SGCD: variants seen among roughly 807,000 people sequenced by gnomAD.
The protein encoded by SGCD is delta-sarcoglycan.
SGCD carries 18 observed loss-of-function variants against 36.6 expected under a neutral mutation model. The ratio of observed to expected loss-of-function variants is 0.49; its 90% CI spans 0.34 to 0.73. The LOEUF is 0.73. SGCD is among the 30% of genes least tolerant of loss of function. SGCD has a pLI of 0.01. For missense variants in SGCD, 387 were observed against 346.7 expected (o/e 1.12, Z -0.92); for synonymous variants, 133 against 130.6 (o/e 1.02, Z -0.12).
the SGCD span, among the ~76,000 whole-genome samples, chr5:155,778,884 C>T: frequency 6.6e-6 from 1 of 152,230 alleles, no homozygotes; most frequent in South Asian, 2.1e-4. Flanking sequence ...GCAATAGTCA[C>T]TCAAAAATGA....
At chr5:156,505,313 T>C (rs1250946555) in intron 3 of SGCD, among the ~76,000 whole-genome samples, 1 of 152,178 alleles carries the variant, frequency 6.6e-6, no homozygotes, top group Non-Finnish European at 1.5e-5. Flanking sequence ...AATAGAAATA[T>C]ACAGATGGCA....
At chr5:156,310,899 G>A (rs1767374813) in intron 3 of SGCD, among the ~76,000 whole-genome samples, 1 of 152,152 alleles carries the variant, frequency 6.6e-6, no homozygotes. Flanking sequence ...GGAGTACAGG[G>A]TTTGGAAAGC....
intron 3 of SGCD, among the ~76,000 whole-genome samples, chr5:156,473,042 A>G (rs1755038218): frequency 6.6e-6 from 1 of 152,232 alleles, no homozygotes; most frequent in African/African-American, 2.4e-5. Flanking sequence ...GTTATCTAAC[A>G]TAATGTACTT....
At chr5:156,168,228 A>G (rs958441642) in intron 3 of SGCD, among the ~76,000 whole-genome samples, 5 of 152,250 alleles carry the variant, frequency 3.3e-5, no homozygotes, top group Admixed American at 6.5e-5. Flanking sequence ...AATATTATTC[A>G]ATTCACAATA....
chr5:156,364,693 A>G (rs1769995402), intron 3 of SGCD, among the ~76,000 whole-genome samples: 1 of 152,154 alleles, frequency 6.6e-6, no homozygotes, highest in South Asian at 2.1e-4. Context: ...CTCATTTCAG[A>G]GGATAAGAAA....
chr5:156,230,125 C>T (rs748812936), intron 3 of SGCD, among the ~76,000 whole-genome samples: 2 of 152,152 alleles, frequency 1.3e-5, no homozygotes, highest in Non-Finnish European at 2.9e-5. Context: ...CTTCCCCTTT[C>T]TCTGGTGCTT....
chr5:156,434,376 G>A (rs1365541812), intron 3 of SGCD, among the ~76,000 whole-genome samples: 1 of 152,154 alleles, frequency 6.6e-6, no homozygotes, highest in African/African-American at 2.4e-5. Flanking sequence ...ACACACAGAG[G>A]GGAAATGTAA....
chr5:156,222,162 G>T (rs562937950), intron 3 of SGCD, among the ~76,000 whole-genome samples: 1 of 152,112 alleles, frequency 6.6e-6, no homozygotes, highest in Admixed American at 6.6e-5. Flanking sequence ...AAAGGAATGA[G>T]CTCCCTGTCA....
intron 1 of SGCD, among the ~76,000 whole-genome samples, chr5:156,107,916 G>A (rs1032839222): frequency 1.3e-5 from 2 of 152,098 alleles, no homozygotes; most frequent in Admixed American, 1.3e-4. Context: ...AAACAAGTTT[G>A]GGAATGAACA....
Position 156,763,606 on chromosome 5 carries a change from AAGAC to A in SGCD, c.*4218_*4221del, listed in dbSNP as rs2113203561. 2 of 152,280 alleles carry A rather than the reference AAGAC, an allele frequency of 1.3e-5. No individual in the cohort carries two copies. Among genetic ancestry groups the A allele is most frequent in the East Asian group, 3.9e-4 (2 of 5,178 alleles). The allele number at this position is 152,280 out of a possible 1,614,324, so 9.4% of individuals were successfully genotyped here. On this transcript the variant is annotated 3_prime_UTR_variant, in exon 9 of 9. Coordinates refer to ENST00000337851, the MANE Select transcript of SGCD (RefSeq NM_000337.6). ...AACAACAACAAAAACATATTTTGAA[AAGAC>A]ATATTCTGACATCTCTGCTTGTGTG...
the SGCD span, among the ~76,000 whole-genome samples, chr5:155,788,089 C>T: frequency 6.6e-6 from 1 of 152,118 alleles, no homozygotes; most frequent in Non-Finnish European, 1.5e-5. Flanking sequence ...TTTCTAGACA[C>T]ATAAAAAATA....
the SGCD span, among the ~76,000 whole-genome samples, chr5:155,780,065 T>C: frequency 6.6e-6 from 1 of 152,158 alleles, no homozygotes; most frequent in African/African-American, 2.4e-5. Context: ...GACACTAGAA[T>C]AAACCTAGAA....
At chr5:156,323,824 A>G (rs542553592), upstream of SGCD, among the ~76,000 whole-genome samples, 1 of 152,320 alleles carries the variant, frequency 6.6e-6, no homozygotes, top group African/African-American at 2.4e-5. Context: ...ATCTAATGGT[A>G]AGAATAAAAA....
At chr5:156,700,512 A>G (rs1331205162) in intron 7 of SGCD, among the ~76,000 whole-genome samples, 7 of 152,156 alleles carry the variant, frequency 4.6e-5, no homozygotes, top group African/African-American at 9.7e-5. Flanking sequence ...ACATCTTCTC[A>G]ACTCCTGCAA....
intron 3 of SGCD, among the ~76,000 whole-genome samples, chr5:156,469,466 A>G (rs1029073609): frequency 1.3e-5 from 2 of 152,250 alleles, no homozygotes; most frequent in African/African-American, 4.8e-5. Context: ...TATTTTAGCA[A>G]GATTTCCAGA....
At chr5:155,838,794 A>T in the SGCD span, among the ~76,000 whole-genome samples, 3 of 124,214 alleles carry the variant, frequency 2.4e-5, no homozygotes, top group Admixed American at 2.3e-4. Context: ...AAAAAAAAAC[A>T]ATTCAATCTA....
At chr5:156,683,871 G>A (rs1175120264) in intron 7 of SGCD, among the ~76,000 whole-genome samples, 1 of 152,182 alleles carries the variant, frequency 6.6e-6, no homozygotes, top group Non-Finnish European at 1.5e-5. Flanking sequence ...CTAATGGAAT[G>A]ACATAGCTAT....
chr5:156,653,140 G>A (rs1019197909), intron 7 of SGCD, among the ~76,000 whole-genome samples: 32 of 151,866 alleles, frequency 2.1e-4, no homozygotes, highest in Non-Finnish European at 3.2e-4. Context: ...CTTCCTCCTC[G>A]GTTTTTTGGA....
At chr5:156,665,275 C>T (rs903919609) in intron 7 of SGCD, among the ~76,000 whole-genome samples, 2 of 151,816 alleles carry the variant, frequency 1.3e-5, no homozygotes, top group Non-Finnish European at 2.9e-5. Context: ...TAATTCTGGA[C>T]CTTTTCCTTC....
Sources: gnomAD v4.1 joint callset for allele counts (sites outside exome capture counted in the v4.1 genomes callset) on GRCh38, gnomAD v4.1.1 for gene constraint, MANE v1.5 for transcripts, NCBI Gene and HGNC (gene_info 2026-07-23, HGNC 2026-07-21) for gene names.